The following MZF1 variants were observed in gnomAD, a reference collection of about 807,000 sequenced individuals.
MZF1 encodes zinc finger and SCAN domain-containing protein 6.
MZF1 carries 24 observed loss-of-function variants against 28.6 expected under a neutral mutation model. The ratio of observed to expected loss-of-function variants is 0.84; its 90% CI spans 0.61 to 1.18. The LOEUF is 1.18. MZF1 is among the 50% of genes most tolerant of loss of function. MZF1 has a pLI of 0.00. For missense variants in MZF1, 1,166 were observed against 1,026.4 expected (o/e 1.14, Z -1.86); for synonymous variants, 516 against 432.5 (o/e 1.19, Z -2.40).
intron 3 of MZF1, 119 bp from the exon 4 acceptor site, chr19:58,569,705 G>A: frequency 1.2e-6 from 1 of 863,924 alleles, no homozygotes; most frequent in Non-Finnish European, 1.8e-6. Flanking sequence ...GGCTTGGGTT[G>A]GGGAGGGCAG....
At chr19:58,570,805 G>T in intron 2 of MZF1, 189 bp downstream of exon 2, 1 of 683,230 alleles carries the variant, frequency 1.5e-6, no homozygotes, top group Non-Finnish European at 2.4e-6. Context: ...AGGTGATGCA[G>T]GAATGGGCTG....
In MZF1 at chr19:58,562,547, G is replaced by A; in HGVS notation, c.1730C>T (p.Ala577Val). Residue 577 changes from alanine (A) to valine (V), a missense_variant, in exon 6 of 6, where the codon GCC becomes GTC. Physicochemically the swap from Ala to Val is moderately conservative, Grantham distance 64 (BLOSUM62 0). Transcript: ENST00000215057. ...CGTGAGCGTAGGCCGCTGGCGGAAG[G>A]CCTTGCCACACTCGGCGCAGGCGAA... The part of the protein sequence containing the change: ...RPFACAECGK[A>V]FRQRPTLTQH... 1.2e-6 allele frequency: 2 copies of A among 1,604,932 alleles called. No individual in the cohort carries two copies. Among genetic ancestry groups the A allele is most frequent in the South Asian group, 2.2e-5 (2 of 90,162 alleles).
At chr19:58,569,650 G>C in intron 3 of MZF1, 64 bp from the exon 4 acceptor site, 1 of 1,368,378 alleles carries the variant, frequency 7.3e-7, no homozygotes, top group Non-Finnish European at 1.0e-6. Flanking sequence ...CTTCTTAGTG[G>C]TGTGCCAGGT....
intron 5 of MZF1, chr19:58,563,942 G>A (rs2053989102): frequency 6.3e-6 from 1 of 159,248 alleles, no homozygotes; most frequent in Non-Finnish European, 1.4e-5. Context: ...TGTCTGTGGG[G>A]CATCTGAGGA....
chr19:58,570,247 A>T, intron 3 of MZF1, 97 bp downstream of exon 3: 1 of 1,324,636 alleles, frequency 7.5e-7, no homozygotes, highest in Admixed American at 2.3e-5. Flanking sequence ...TCCATTTATA[A>T]CAAACCTGGC....
rs748178821 is a variant in MZF1 at position 58,562,536 on chromosome 19, G to A, written c.1741C>T (p.Arg581Trp). 34 of 1,607,480 alleles carry A rather than the reference G, an allele frequency of 2.1e-5. 1 individual carries two copies. The highest frequency in any genetic ancestry group is 2.9e-5 in the Non-Finnish European group (34 of 1,178,074). ...CGGAGATGCTGCGTGAGCGTAGGCC[G>A]CTGGCGGAAGGCCTTGCCACACTCG... ...CAECGKAFRQ[R>W]PTLTQHLRVH... Residue 581 changes from arginine to tryptophan, a missense_variant, in exon 6 of 6, where the codon CGG becomes TGG. Transcript: ENST00000215057.
rs757484743 is a variant in MZF1, at chr19:58,562,918, G to C, written c.1359C>G (p.Ser453=). ...GGATGCGCTGGTGCTGCAGCAGATT[G>C]GAGCGCTGCCGGAAGCTCTGGCCGC... ...AECGQSFRQR[S]NLLQHQRIHG... is the part of the protein sequence containing the mutation. The change falls in exon 6 of 6, where the codon TCC becomes TCG. Residue 453 remains serine (S), a synonymous_variant. Coordinates refer to ENST00000215057, the MANE Select transcript of MZF1 (RefSeq NM_198055.2). The C allele has an allele frequency of 1.3e-6, 2 of 1,592,364 alleles. No homozygotes were observed. The highest frequency in any genetic ancestry group is 2.2e-5 in the South Asian group (2 of 90,108).
rs1280003418 is a variant in MZF1, at chr19:58,562,090, G to A, written c.2187C>T (p.Arg729=). 1.9e-6 allele frequency: 3 copies of A among 1,568,140 alleles called. No individual in the cohort carries two copies. The highest frequency in any genetic ancestry group is 2.4e-5 in the East Asian group (1 of 42,456). ...HQSTKLIQHQ[R]VHSAE is the part of the protein sequence containing the mutation. ...GCTGGAGCTACTCGGCGCTGTGGAC[G>A]CGCTGGTGCTGAATGAGCTTGGTGC... The change falls in exon 6 of 6, where the codon CGC becomes CGT. Residue 729 remains arginine, a synonymous_variant. Transcript: ENST00000215057.
rs748787144 is a variant in MZF1, at chr19:58,563,115, C to G, written c.1162G>C (p.Glu388Gln). 18 of 1,606,698 alleles carry G rather than the reference C, an allele frequency of 1.1e-5. No individual in the cohort carries two copies. The East Asian group carries it at 3.8e-4, about 34-fold the overall frequency. Residue 388 changes from glutamate to glutamine, a missense_variant, in exon 6 of 6, where the codon GAG (glutamate) becomes CAG (glutamine). Coordinates refer to ENST00000215057, the MANE Select transcript of MZF1 (RefSeq NM_198055.2). Reference sequence around the variant, plus strand: ...CTGCGGCTGAAGCTGCGGCCGCACTCGCTGCACACGAATGGTCGCTCACCC... The same window carrying G: ...CTGCGGCTGAAGCTGCGGCCGCACTGGCTGCACACGAATGGTCGCTCACCC... ...HTGERPFVCS[E>Q]CGRSFSRSSH...
intron 1 of MZF1, among the ~76,000 whole-genome samples, chr19:58,572,278 T>C (rs1024307162): frequency 6.6e-6 from 1 of 152,090 alleles, no homozygotes; most frequent in Non-Finnish European, 1.5e-5. Flanking sequence ...GTGCAGTCAC[T>C]TGTATGGCTC....
intron 1 of MZF1, 178 bp from the exon 2 acceptor site, chr19:58,571,607 C>T: frequency 1.7e-6 from 1 of 599,350 alleles, no homozygotes; most frequent in East Asian, 2.8e-5. Flanking sequence ...CCTCCCTTAG[C>T]CACCTGTATC....
In MZF1 at chr19:58,563,326, G is replaced by A; in HGVS notation, c.951C>T (p.Pro317=). Residue 317 remains proline, a synonymous_variant, in exon 6 of 6, where the codon CCC becomes CCT. Transcript: ENST00000215057. ...LPSDLRSEQD[P]TDEDPCRGVG... Reference sequence around the variant, plus strand: ...CACCCCGGCAGGGATCCTCGTCCGTGGGGTCCTGTTCACTCCTCAGATCGC... The same window carrying A: ...CACCCCGGCAGGGATCCTCGTCCGTAGGGTCCTGTTCACTCCTCAGATCGC... 1 of 1,609,154 alleles carries A rather than the reference G, an allele frequency of 6.2e-7. No homozygotes were observed.
In MZF1 at chr19:58,562,961, G is replaced by A. The variant is rs746690891; in HGVS notation, c.1316C>T (p.Pro439Leu). The change falls in exon 6 of 6, where the codon CCT (proline) becomes CTT (leucine). Residue 439 changes from proline (P) to leucine (L), a missense_variant. Coordinates refer to ENST00000215057, the MANE Select transcript of MZF1 (RefSeq NM_198055.2). ...EHRRVHTGEQ[P>L]FRCAECGQSF... is the part of the protein sequence containing the mutation. ...CTGGCCGCACTCAGCGCAACGGAAAGGCTGTTCGCCCGTGTGCACTCTCCG... is the reference window on the plus strand; with the variant it reads ...CTGGCCGCACTCAGCGCAACGGAAAAGCTGTTCGCCCGTGTGCACTCTCCG... The A allele has an allele frequency of 1.6e-5, 25 of 1,600,460 alleles. No individual in the cohort carries two copies. In the South Asian group the frequency reaches 2.4e-4, roughly 15 times the overall value.
In MZF1 at chr19:58,563,286, T is replaced by C. The variant is rs4756; in HGVS notation, c.991A>G (p.Ile331Val). The C allele has an allele frequency of 0.25, 399,303 of 1,605,748 alleles. 56,566 individuals are homozygous for C. The highest frequency in any genetic ancestry group is 0.63 in the African/African-American group (46,939 of 74,826). The change falls in exon 6 of 6, where the codon ATC (isoleucine) becomes GTC (valine). Residue 331 changes from isoleucine to valine, a missense_variant. Ile to Val is a conservative substitution (Grantham distance 29, BLOSUM62 3). Coordinates refer to ENST00000215057, the MANE Select transcript of MZF1 (RefSeq NM_198055.2). ...DPCRGVGPAL[I>V]TTRWRSPRGR... is the part of the protein sequence containing the mutation. ...CTGGGGGAGCGCCAGCGGGTGGTGA[T>C]CAGAGCAGGGCCCACACCCCGGCAG...
rs1269083545 is a variant in MZF1, at chr19:58,563,454, G to A, written c.823C>T (p.Pro275Ser). Residue 275 changes from proline (P) to serine (S), a missense_variant, in exon 6 of 6, where the codon CCT becomes TCT. Coordinates refer to ENST00000215057, the MANE Select transcript of MZF1 (RefSeq NM_198055.2). ...SISAGPGSVS[P>S]HLHVPWDLGM... is the part of the protein sequence containing the mutation. Reference sequence around the variant, plus strand: ...AGGTCCCAGGGGACGTGGAGGTGAGGGCTTACACTACCTGGACCTGCGGAG... The same window carrying A: ...AGGTCCCAGGGGACGTGGAGGTGAGAGCTTACACTACCTGGACCTGCGGAG... 6.3e-7 allele frequency: 1 copy of A among 1,580,200 alleles called. No individual in the cohort carries two copies. The highest frequency in any genetic ancestry group is 1.4e-5 in the African/African-American group (1 of 74,026).
At chr19:58,568,366 A>C (rs1600105394) in intron 5 of MZF1, 1 of 152,202 alleles carries the variant, frequency 6.6e-6, no homozygotes, top group African/African-American at 2.4e-5. Flanking sequence ...GAGTGAAAAG[A>C]TAAGAACATT....
chr19:58,566,339 T>A (rs564821664), intron 5 of MZF1, among the ~76,000 whole-genome samples: 158 of 151,666 alleles, frequency 1.0e-3, no homozygotes, highest in African/African-American at 3.7e-3. Context: ...TCTCAGCTAC[T>A]TGGGAGGCTG....
intron 3 of MZF1, 29 bp from the exon 4 acceptor site, chr19:58,569,615 CTGAG>C (rs1289509558): frequency 6.4e-7 from 1 of 1,555,534 alleles, no homozygotes; most frequent in Non-Finnish European, 8.7e-7. Context: ...ATCAGGCAGC[CTGAG>C]TGAGTTTCCA....
In MZF1 at chr19:58,571,181, C is replaced by T. The variant is rs376418133; in HGVS notation, c.209G>A (p.Arg70His). 46 of 1,613,610 alleles carry T rather than the reference C, an allele frequency of 2.9e-5. No individual in the cohort carries two copies. Among genetic ancestry groups the T allele is most frequent in the South Asian group, 9.9e-5 (9 of 91,028 alleles). Residue 70 changes from arginine (R) to histidine (H), a missense_variant, in exon 2 of 6, where the codon CGC becomes CAC. Physicochemically the swap from Arg to His is conservative, Grantham distance 29. Transcript: ENST00000215057. ...EALAQLRELC[R>H]QWLRPEVRSK... ...GCGTACCTCTGGACGCAGCCACTGG[C>T]GACACAGCTCTCGGAGCTGGGCCAG...
Sources: allele counts gnomAD v4.1 joint callset (sites outside exome capture counted in the v4.1 genomes callset), GRCh38; gene constraint gnomAD v4.1.1; transcripts MANE v1.5; gene names NCBI Gene and HGNC (gene_info 2026-07-23, HGNC 2026-07-21).